The following IQCH variants were observed in gnomAD, a reference collection of about 807,000 sequenced individuals.
The protein encoded by IQCH is IQ motif containing H.
In IQCH, 98 loss-of-function variants were observed where a neutral mutation model predicts 117.0. That is an observed-to-expected ratio of 0.84 (90% CI 0.71 to 0.99). The LOEUF is 0.99. IQCH is among the 50% of genes least tolerant of loss of function. The pLI is 0.00. For missense variants in IQCH, 1,102 were observed against 1,243.8 expected (o/e 0.89, Z 1.72); for synonymous variants, 412 against 448.2 (o/e 0.92, Z 1.02).
At chr15:67,396,314 C>G (rs534759313) in intron 13 of IQCH, among the ~76,000 whole-genome samples, 1 of 151,386 alleles carries the variant, frequency 6.6e-6, no homozygotes, top group Admixed American at 6.8e-5. Context: ...AGGAAGCGAT[C>G]GAAATGGAGG....
At chr15:67,289,518 C>G (rs887015692) in intron 4 of IQCH, among the ~76,000 whole-genome samples, 2 of 152,046 alleles carry the variant, frequency 1.3e-5, no homozygotes, top group African/African-American at 4.8e-5. Flanking sequence ...GCTAGTTACA[C>G]CATTCATTGA....
chr15:67,481,253 G>C lies in IQCH; in HGVS notation c.2799+5435G>C, dbSNP rs2083330297. On this transcript the variant is annotated intron_variant, in intron 18 of 20. Transcript: ENST00000335894. The surrounding 1 kb of genome is among the most constrained non-coding windows in gnomAD (Gnocchi z 4.1). ...AAGACTGGGTAATTTATAAAAGAAA[G>C]AGGTTTAATTGACTCCCAGTTCTGC... is the stretch of plus-strand genomic sequence containing the variant. Among the ~76,000 whole-genome samples the C allele has an allele frequency of 6.6e-6, 1 of 152,232 alleles. No homozygotes were observed. Among genetic ancestry groups the C allele is most frequent in the Non-Finnish European group, 1.5e-5 (1 of 68,050 alleles).
intron 4 of IQCH, among the ~76,000 whole-genome samples, chr15:67,335,832 A>G (rs1387352140): frequency 6.6e-6 from 1 of 152,156 alleles, no homozygotes; most frequent in Admixed American, 6.5e-5. Context: ...ACCAAACATC[A>G]TCAAAGTGTT....
At chr15:67,320,874 G>A (rs75304771) in intron 4 of IQCH, among the ~76,000 whole-genome samples, 1 of 152,144 alleles carries the variant, frequency 6.6e-6, no homozygotes, top group African/African-American at 2.4e-5. Flanking sequence ...TGAGGTTAAA[G>A]ATAGTCAGAC....
At chr15:67,257,151 A>G (rs1965256372) in intron 1 of IQCH, among the ~76,000 whole-genome samples, 1 of 152,206 alleles carries the variant, frequency 6.6e-6, no homozygotes. Context: ...AGTGACTTTG[A>G]GTTAGGCACT....
intron 17 of IQCH, among the ~76,000 whole-genome samples, chr15:67,470,421 G>T (rs150073640): frequency 6.6e-6 from 1 of 152,024 alleles, no homozygotes; most frequent in South Asian, 2.1e-4. Flanking sequence ...CTCATGATCC[G>T]CCCCCATCAG....
intron 4 of IQCH, among the ~76,000 whole-genome samples, chr15:67,291,163 C>T (rs1966738336): frequency 6.6e-6 from 1 of 152,064 alleles, no homozygotes; most frequent in Admixed American, 6.6e-5. Flanking sequence ...AGCTTGGATA[C>T]CTACCTTGTT....
chr15:67,449,808 C>T (rs1408414907), intron 16 of IQCH, among the ~76,000 whole-genome samples: 1 of 152,172 alleles, frequency 6.6e-6, no homozygotes, highest in Non-Finnish European at 1.5e-5. Flanking sequence ...CTATAAATTA[C>T]CTTGGGCAGT....
chr15:67,256,174 A>C (rs1933215585), intron 1 of IQCH, among the ~76,000 whole-genome samples: 1 of 152,238 alleles, frequency 6.6e-6, no homozygotes, highest in Non-Finnish European at 1.5e-5. Flanking sequence ...TAATCAGCCA[A>C]GGAAAGAGAT....
rs1965520750 is a variant in IQCH at position 67,262,981 on chromosome 15, G to A, written c.175-141G>A. 5 of 631,274 alleles carry A rather than the reference G, an allele frequency of 7.9e-6. No individual in the cohort carries two copies. The East Asian group carries it at 1.2e-4, about 15-fold the overall frequency. 39.1% of individuals were successfully genotyped at this position (631,274 alleles called of 1,614,324 possible). On this transcript the variant is annotated intron_variant, in intron 2 of 20. Transcript: ENST00000335894. ...GTAATTTGGCCTTGAGATGCCTAAT[G>A]ATACCTTAGGCACGTAATAATACAT...
intron 4 of IQCH, chr15:67,304,223 G>C (rs1967191556): frequency 5.5e-6 from 3 of 550,448 alleles, no homozygotes; most frequent in Middle Eastern, 4.2e-4. Flanking sequence ...TTTTTCCAGT[G>C]AGAATTTCAT....
intron 4 of IQCH, among the ~76,000 whole-genome samples, chr15:67,324,471 G>A (rs1032297273): frequency 1.3e-5 from 2 of 151,914 alleles, no homozygotes; most frequent in Admixed American, 6.6e-5. Context: ...TTAGCCAGGC[G>A]TGGTGGCACA....
In IQCH at chr15:67,445,833, T is replaced by G. The variant is rs759160758; in HGVS notation, c.2506-19294T>G. ...GCTTGATCAGGTAGTCAGGAACCAATAGAAGTCCAAATAATGCAACAAAAT... is the reference window on the plus strand; with the variant it reads ...GCTTGATCAGGTAGTCAGGAACCAAGAGAAGTCCAAATAATGCAACAAAAT... On this transcript the variant is annotated intron_variant, in intron 16 of 20. Coordinates refer to ENST00000335894, the MANE Select transcript of IQCH (RefSeq NM_001031715.3). The surrounding 1 kb of genome is among the most constrained non-coding windows in gnomAD (Gnocchi z 4.3). 1.3e-5 allele frequency among the ~76,000 whole-genome samples: 2 copies of G among 152,108 alleles called. No individual in the cohort carries two copies. The highest frequency in any genetic ancestry group is 4.8e-5 in the African/African-American group (2 of 41,414).
At position 67,491,605 on chromosome 15, in the gene IQCH, C is replaced by T. The variant is rs2083656039; in HGVS notation, c.2861+1541C>T. The stretch of plus-strand genomic sequence containing the variant: ...GTCACTTCCCTAGGGACTCTTCACC[C>T]ATTTGTCACACTGCCCTGATAGCAA... On this transcript the variant is annotated intron_variant, in intron 19 of 20. Transcript: ENST00000335894. The surrounding 1 kb of genome is among the most constrained non-coding windows in gnomAD (Gnocchi z 4.9). 6.6e-6 allele frequency among the ~76,000 whole-genome samples: 1 copy of T among 152,102 alleles called. No individual in the cohort carries two copies.
chr15:67,346,455 G>A (rs118077945), intron 6 of IQCH, among the ~76,000 whole-genome samples: 131 of 152,178 alleles, frequency 8.6e-4, no homozygotes, highest in Non-Finnish European at 1.4e-3. Flanking sequence ...AGATAATCAG[G>A]CATTCGATTC....
At chr15:67,275,395 C>T (rs994472089) in intron 3 of IQCH, among the ~76,000 whole-genome samples, 2 of 151,958 alleles carry the variant, frequency 1.3e-5, no homozygotes, top group African/African-American at 4.8e-5. Context: ...TCTCCATGAC[C>T]TGGGAACTGT....
In IQCH at chr15:67,395,587, C is replaced by A. The variant is rs1971440152; in HGVS notation, c.1905+24C>A. 6.2e-7 allele frequency: 1 copy of A among 1,605,314 alleles called. No homozygotes were observed. The highest frequency in any genetic ancestry group is 8.5e-7 in the Non-Finnish European group (1 of 1,174,134). On this transcript the variant is annotated intron_variant, in intron 13 of 20. Transcript: ENST00000335894. The surrounding 1 kb of genome is among the most constrained non-coding windows in gnomAD (Gnocchi z 4.0). Reference sequence around the variant, plus strand: ...AGGTATGTGGGGTGGACAAGTGAAGCTCTGTTCAAATATTTGAAACATCCT... The same window carrying A: ...AGGTATGTGGGGTGGACAAGTGAAGATCTGTTCAAATATTTGAAACATCCT...
chr15:67,312,915 A>G (rs1215242120), intron 4 of IQCH, among the ~76,000 whole-genome samples: 2 of 152,134 alleles, frequency 1.3e-5, no homozygotes, highest in Non-Finnish European at 2.9e-5. Flanking sequence ...ACTTGAATTC[A>G]AGTATACATT....
intron 4 of IQCH, among the ~76,000 whole-genome samples, chr15:67,288,729 G>A (rs1409336555): frequency 2.6e-5 from 4 of 152,060 alleles, no homozygotes; most frequent in Non-Finnish European, 2.9e-5. Context: ...GGAGAGTTTA[G>A]TCCATTTACA....
Sources: allele counts gnomAD v4.1 joint callset (sites outside exome capture counted in the v4.1 genomes callset), GRCh38; gene constraint gnomAD v4.1.1; non-coding constraint Gnocchi (gnomAD v3.1); transcripts MANE v1.5; gene names NCBI Gene and HGNC (gene_info 2026-07-23, HGNC 2026-07-21).